TFCP2: variants seen among roughly 807,000 people sequenced by gnomAD.
TFCP2 encodes the protein alpha-globin transcription factor CP2.
Under a neutral mutation model 73.4 loss-of-function variants are expected in TFCP2, and 33 were observed. The observed-to-expected ratio is 0.45, with a 90% CI of 0.34 to 0.60. The LOEUF (loss-of-function observed/expected upper bound fraction) is 0.60. Among genes scored for constraint, TFCP2 ranks in the 20% least tolerant of loss-of-function variants. The pLI is 0.01. For synonymous variants in TFCP2, 193 were observed against 211.6 expected, an observed-to-expected ratio of 0.91 and a Z score of 0.76; for missense variants, 352 against 604.0, an observed-to-expected ratio of 0.58 and a Z score of 4.37.
At chr12:51,095,342 AAAGTATGGT>A in intron 14 of TFCP2, 64 bp from the exon 15 acceptor site, 1 of 1,545,014 alleles carries the variant, frequency 6.5e-7, no homozygotes, top group South Asian at 1.1e-5. Flanking sequence ...CAGGAGAAAA[AAAGTATGGT>A]AAGATTCTCG....
intron 1 of TFCP2, among the ~76,000 whole-genome samples, chr12:51,146,468 A>G (rs534802106): frequency 3.3e-5 from 5 of 152,242 alleles, no homozygotes; most frequent in African/African-American, 9.6e-5. Context: ...TGGCCTCATA[A>G]GAAATTAGGA....
In TFCP2 at chr12:51,095,189, C is replaced by T. The variant is rs565046141; in HGVS notation, c.*52G>A. On this transcript the variant is annotated 3_prime_UTR_variant, in exon 15 of 15. Coordinates refer to ENST00000257915, the MANE Select transcript of TFCP2 (RefSeq NM_005653.5). ...CATTCATATCCCCCTTCAAGAGGGC[C>T]GTTTTCAGAGGTGAAGGAAGGAGCA... 18 of 1,593,782 alleles carry T rather than the reference C, an allele frequency of 1.1e-5. No individual in the cohort carries two copies. The highest frequency in any genetic ancestry group is 6.7e-5 in the East Asian group (3 of 44,802).
intron 1 of TFCP2, among the ~76,000 whole-genome samples, chr12:51,123,454 A>T (rs975641011): frequency 6.6e-6 from 1 of 152,212 alleles, no homozygotes; most frequent in Non-Finnish European, 1.5e-5. Flanking sequence ...GGAAATACAA[A>T]AGTCTGCTCT....
chr12:51,094,985 T>C lies in TFCP2; in HGVS notation c.*256A>G, dbSNP rs1488660191. On this transcript the variant is annotated 3_prime_UTR_variant, in exon 15 of 15. Coordinates refer to ENST00000257915, the MANE Select transcript of TFCP2 (RefSeq NM_005653.5). ...AAATTATGTAGAGTTTCTACTGATA[T>C]TTAACAACAACAAGGTCCAGAAATT... 1 of 510,042 alleles carries C rather than the reference T, an allele frequency of 2.0e-6. No homozygotes were observed. Among genetic ancestry groups the C allele is most frequent in the Non-Finnish European group, 3.5e-6 (1 of 284,254 alleles). 31.6% of individuals were successfully genotyped at this position (510,042 alleles called of 1,614,324 possible).
intron 1 of TFCP2, among the ~76,000 whole-genome samples, chr12:51,138,415 C>A (rs941119907): frequency 1.3e-5 from 2 of 152,098 alleles, no homozygotes; most frequent in African/African-American, 4.8e-5. Context: ...CCTCGGCCTC[C>A]CAAATTGTTG....
intron 10 of TFCP2, among the ~76,000 whole-genome samples, chr12:51,102,585 G>A (rs147962856): frequency 6.6e-6 from 1 of 152,190 alleles, no homozygotes; most frequent in African/African-American, 2.4e-5. Flanking sequence ...AATTAGTCGG[G>A]TGTGGTGGTG....
chr12:51,168,909 C>G (rs1941806949), intron 1 of TFCP2, among the ~76,000 whole-genome samples: 1 of 152,024 alleles, frequency 6.6e-6, no homozygotes, highest in Admixed American at 6.6e-5. Context: ...TCATGCAAGT[C>G]TCCTGCCTCA....
intron 1 of TFCP2, among the ~76,000 whole-genome samples, chr12:51,131,051 C>T (rs991648252): frequency 4.6e-5 from 7 of 151,448 alleles, no homozygotes; most frequent in Non-Finnish European, 1.0e-4. Flanking sequence ...AGACGCAGTT[C>T]GGGCGCGGTG....
intron 1 of TFCP2, among the ~76,000 whole-genome samples, chr12:51,159,850 C>T (rs919616966): frequency 4.6e-5 from 7 of 152,148 alleles, no homozygotes; most frequent in African/African-American, 1.7e-4. Context: ...ATGCAAGCTG[C>T]TCCAGGAACA....
At chr12:51,140,221 C>T (rs1373726714) in intron 1 of TFCP2, among the ~76,000 whole-genome samples, 1 of 151,996 alleles carries the variant, frequency 6.6e-6, no homozygotes, top group African/African-American at 2.4e-5. Context: ...ACAACTCATA[C>T]TAATAAAATG....
rs528298090 is a variant in TFCP2, at chr12:51,118,486, C to T, written c.274+135G>A. The T allele has an allele frequency of 7.4e-5, 77 of 1,039,686 alleles. No homozygotes were observed. The East Asian group carries it at 2.1e-3, about 28-fold the overall frequency. The allele number at this position is 1,039,686 out of a possible 1,614,324, so 64.4% of individuals were successfully genotyped here. A position where few individuals can be genotyped will look rare whatever the true frequency, so the allele number is the denominator to read the frequency against. Reference sequence around the variant, plus strand: ...AGGAGAATGGTGTGAACCCGGGAGGCAGAGCTTGCAGTGAGCCAAGATGGC... The same window carrying T: ...AGGAGAATGGTGTGAACCCGGGAGGTAGAGCTTGCAGTGAGCCAAGATGGC... On this transcript the variant is annotated intron_variant, in intron 2 of 14. Transcript: ENST00000257915.
In TFCP2 at chr12:51,095,129, C is replaced by A; in HGVS notation, c.*112G>T. The A allele has an allele frequency of 8.2e-7, 1 of 1,214,024 alleles. No individual in the cohort carries two copies. Among genetic ancestry groups the A allele is most frequent in the South Asian group, 1.2e-5 (1 of 82,524 alleles). The allele number at this position is 1,214,024 out of a possible 1,614,324, so 75.2% of individuals were successfully genotyped here. A position where few individuals can be genotyped will look rare whatever the true frequency, so the allele number is the denominator to read the frequency against. On this transcript the variant is annotated 3_prime_UTR_variant, in exon 15 of 15. Transcript: ENST00000257915. ...TGGCCTGGACTCCTCCACACACAGT[C>A]AGACGAGTCAGGTTCTTGCAGACCT...
intron 1 of TFCP2, among the ~76,000 whole-genome samples, chr12:51,139,731 C>G (rs1479269699): frequency 6.8e-6 from 1 of 147,654 alleles, no homozygotes; most frequent in Non-Finnish European, 1.5e-5. Flanking sequence ...TTCCCTTGCC[C>G]CCAGGCCTTG....
chr12:51,132,355 G>GTTTTTT (rs1276335598), intron 1 of TFCP2, among the ~76,000 whole-genome samples: 8 of 21,456 alleles, frequency 3.7e-4, no homozygotes, highest in African/African-American at 6.9e-4. Flanking sequence ...TTAGGGATTA[G>GTTTTTT]TCTTTTTTTT....
intron 1 of TFCP2, among the ~76,000 whole-genome samples, chr12:51,150,551 A>C (rs1263538758): frequency 2.0e-5 from 3 of 152,214 alleles, no homozygotes; most frequent in African/African-American, 7.2e-5. Context: ...TGTCCATCAT[A>C]ACAGACTTAG....
intron 12 of TFCP2, among the ~76,000 whole-genome samples, 185 bp downstream of exon 12, chr12:51,099,468 ACT>A (rs1243750846): frequency 9.7e-6 from 1 of 103,526 alleles, no homozygotes; most frequent in Non-Finnish European, 2.1e-5. Flanking sequence ...ACTGAGTGAG[ACT>A]CTGTCTCAAA....
chr12:51,095,118 C>T lies in TFCP2; in HGVS notation c.*123G>A. ...TTCTGCCTCCATGGCCTGGACTCCT[C>T]CACACACAGTCAGACGAGTCAGGTT... On this transcript the variant is annotated 3_prime_UTR_variant, in exon 15 of 15. Transcript: ENST00000257915. 1 of 1,135,022 alleles carries T rather than the reference C, an allele frequency of 8.8e-7. No homozygotes were observed. 70.3% of individuals were successfully genotyped at this position (1,135,022 alleles called of 1,614,324 possible). A position where few individuals can be genotyped will look rare whatever the true frequency, so the allele number is the denominator to read the frequency against.
chr12:51,133,148 G>A (rs1940986591), intron 1 of TFCP2, among the ~76,000 whole-genome samples: 1 of 150,900 alleles, frequency 6.6e-6, no homozygotes, highest in Non-Finnish European at 1.5e-5. Context: ...AAAAAAGAAA[G>A]GTACATTCCA....
intron 13 of TFCP2, among the ~76,000 whole-genome samples, chr12:51,097,964 G>A (rs1270700536): frequency 2.0e-5 from 3 of 150,946 alleles, no homozygotes; most frequent in East Asian, 2.0e-4. Context: ...GCAGTGAGCC[G>A]AGATCACACC....
Sources: allele counts gnomAD v4.1 joint callset (sites outside exome capture counted in the v4.1 genomes callset), GRCh38; gene constraint gnomAD v4.1.1; transcripts MANE v1.5; gene names NCBI Gene and HGNC (gene_info 2026-07-23, HGNC 2026-07-21).